The following SLIT3 variants were observed in gnomAD, a reference collection of about 807,000 sequenced individuals.
SLIT3 encodes the protein slit guidance ligand 3, also known as slit homolog 3 protein.
Under a neutral mutation model 184.0 loss-of-function variants are expected in SLIT3, and 68 were observed. The observed-to-expected ratio is 0.37, with a 90% CI of 0.30 to 0.45. SLIT3 has a LOEUF of 0.45. Among genes scored for constraint, SLIT3 ranks in the 20% least tolerant of loss-of-function variants. The pLI is 1.00. For missense variants in SLIT3, 1,707 were observed against 2,026.0 expected (o/e 0.84, Z 3.02); for synonymous variants, 831 against 828.6 (o/e 1.00, Z -0.05).
At chr5:168,921,685 C>T (rs565191165) in intron 4 of SLIT3, among the ~76,000 whole-genome samples, 26 of 152,290 alleles carry the variant, frequency 1.7e-4, no homozygotes, top group Middle Eastern at 3.4e-3. Flanking sequence ...TCTCCTGTCC[C>T]GGCTCCAAGC....
chr5:169,286,429 C>T (rs967626967), intron 1 of SLIT3, among the ~76,000 whole-genome samples: 1 of 152,120 alleles, frequency 6.6e-6, no homozygotes, highest in African/African-American at 2.4e-5. Flanking sequence ...CTCTCTCTTG[C>T]CTCTAGAAAG....
chr5:168,783,021 A>G (rs1174326863), intron 12 of SLIT3, among the ~76,000 whole-genome samples: 1 of 152,172 alleles, frequency 6.6e-6, no homozygotes, highest in Non-Finnish European at 1.5e-5. Context: ...TAACCTTCCA[A>G]CTAGGCAGTG....
At chr5:169,098,383 C>T (rs1043321990) in intron 4 of SLIT3, among the ~76,000 whole-genome samples, 7 of 152,248 alleles carry the variant, frequency 4.6e-5, no homozygotes, top group East Asian at 3.9e-4. Context: ...GATGTGAATC[C>T]GCTATTAGTA....
chr5:168,760,993 C>A, intron 15 of SLIT3, 57 bp from the exon 16 acceptor site: 2 of 1,290,918 alleles, frequency 1.5e-6, no homozygotes, highest in Non-Finnish European at 2.3e-6. Context: ...CCTCCTTCCA[C>A]CCCCCATGGC....
At chr5:168,856,806 T>TGTGCGCGCGCGC (rs374432432) in intron 5 of SLIT3, among the ~76,000 whole-genome samples, 164 of 137,810 alleles carry the variant, frequency 1.2e-3, no homozygotes, top group African/African-American at 4.3e-3. Context: ...TGTGTGTGTG[T>TGTGCGCGCGCGC]GCGCGCGCGC....
Position 168,753,924 on chromosome 5 carries a change from C to T in SLIT3, c.1769G>A (p.Gly590Glu), listed in dbSNP as rs1381473512. The change falls in exon 17 of 36, where the codon GGG becomes GAG. Residue 590 changes from glycine (G) to glutamate (E), a missense_variant. Physicochemically the swap from Gly to Glu is moderately conservative, Grantham distance 98. This residue lies in a region of SLIT3 where 1,307 missense variants were observed against 1,511.6 expected (regional missense o/e 0.86). Coordinates refer to ENST00000519560, the MANE Select transcript of SLIT3 (RefSeq NM_003062.4). Reference protein sequence around the residue: ...AASVQELMLTGNQLETVHGRV... With the variant: ...AASVQELMLTENQLETVHGRV... ...CCCGTGCACGGTCTCCAGCTGGTTC[C>T]CTGTCAGCATCAGCTCCTGCACGCT... is the stretch of plus-strand genomic sequence containing the variant. The T allele has an allele frequency of 1.2e-6, 2 of 1,612,300 alleles. No individual in the cohort carries two copies. Among genetic ancestry groups the T allele is most frequent in the Admixed American group, 3.3e-5 (2 of 60,032 alleles).
At chr5:169,234,320 T>C (rs763762247) in intron 3 of SLIT3, among the ~76,000 whole-genome samples, 3 of 152,206 alleles carry the variant, frequency 2.0e-5, no homozygotes, top group Non-Finnish European at 4.4e-5. Context: ...CGCAGTCACA[T>C]TTCCGCACCA....
rs118172622 is a variant in SLIT3 at position 169,290,032 on chromosome 5, C to T, written c.197+10481G>A. On this transcript the variant is annotated intron_variant, in intron 1 of 35. Transcript: ENST00000519560. Reference sequence around the variant, plus strand: ...GCACACACTAGGGAATATGCTAGAACGTACATTAGGGCATACGCCAGGGCA... The same window carrying T: ...GCACACACTAGGGAATATGCTAGAATGTACATTAGGGCATACGCCAGGGCA... 4.6e-3 allele frequency among the ~76,000 whole-genome samples: 700 copies of T among 151,588 alleles called. 13 individuals carry two copies. The East Asian group carries it at 0.088, about 19-fold the overall frequency.
At chr5:168,894,419 G>A (rs1184281089) in intron 4 of SLIT3, among the ~76,000 whole-genome samples, 1 of 152,234 alleles carries the variant, frequency 6.6e-6, no homozygotes. Context: ...ATGGATGACT[G>A]AGAATACATC....
At chr5:169,215,360 G>A (rs1023982444) in intron 3 of SLIT3, among the ~76,000 whole-genome samples, 4 of 152,106 alleles carry the variant, frequency 2.6e-5, no homozygotes, top group Admixed American at 6.5e-5. Context: ...AAGTCTGTCT[G>A]ATCCTCCTGT....
rs150356954 is a variant in SLIT3, at chr5:169,140,970, T to C, written c.413+52509A>G. On this transcript the variant is annotated intron_variant, in intron 4 of 35. Transcript: ENST00000519560. The stretch of plus-strand genomic sequence containing the variant: ...TCCAATCTCCATCTTGTCATCTTCA[T>C]GCCCTATGCAAACTAATCCTCTTGT... Among the ~76,000 whole-genome samples, 486 of 152,346 alleles carry C rather than the reference T, an allele frequency of 3.2e-3. 2 individuals carry two copies. Among genetic ancestry groups the C allele is most frequent in the African/African-American group, 0.011 (450 of 41,584 alleles).
At chr5:168,810,948 T>TC (rs1757138694) in intron 8 of SLIT3, among the ~76,000 whole-genome samples, 1 of 151,690 alleles carries the variant, frequency 6.6e-6, no homozygotes. Flanking sequence ...CTTGTATAAC[T>TC]CCCCCTGAAG....
intron 4 of SLIT3, among the ~76,000 whole-genome samples, chr5:168,963,808 T>C (rs1170725218): frequency 6.6e-6 from 1 of 152,246 alleles, no homozygotes; most frequent in African/African-American, 2.4e-5. Flanking sequence ...AGGCTCTCTT[T>C]TGTTGGCTTT....
rs1216101045 is a variant in SLIT3 at position 168,662,621 on chromosome 5, TAAC to T, written c.*3830_*3832del. The T allele has an allele frequency of 2.6e-5, 4 of 152,210 alleles. No homozygotes were observed. Among genetic ancestry groups the T allele is most frequent in the South Asian group, 2.1e-4 (1 of 4,828 alleles). 9.4% of individuals were successfully genotyped at this position (152,210 alleles called of 1,614,324 possible). The stretch of plus-strand genomic sequence containing the variant: ...ATAACAGCAACAACAACAGTAATAA[TAAC>T]AACAGCATCTTACATTTAAGGTTTT... On this transcript the variant is annotated 3_prime_UTR_variant, in exon 36 of 36. Transcript: ENST00000519560.
In SLIT3 at chr5:169,226,775, G is replaced by C. The variant is rs990406160; in HGVS notation, c.341+17930C>G. Reference sequence around the variant, plus strand: ...TCTATCTATAGAGGTGGTAACAATGGGTCTCAGGAGGCTCAAAGACTCAGG... The same window carrying C: ...TCTATCTATAGAGGTGGTAACAATGCGTCTCAGGAGGCTCAAAGACTCAGG... On this transcript the variant is annotated intron_variant, in intron 3 of 35. Transcript: ENST00000519560. 2.0e-5 allele frequency among the ~76,000 whole-genome samples: 3 copies of C among 152,214 alleles called. No individual in the cohort carries two copies. In the South Asian group the frequency reaches 6.2e-4, roughly 32 times the overall value.
At chr5:168,986,051 C>G (rs767034661) in intron 4 of SLIT3, among the ~76,000 whole-genome samples, 1 of 152,180 alleles carries the variant, frequency 6.6e-6, no homozygotes, top group Non-Finnish European at 1.5e-5. Flanking sequence ...TCCAGCCTCA[C>G]GAAGAAATGC....
rs371948046 is a variant in SLIT3, at chr5:168,997,374, C to T, written c.414-114038G>A. ...GAGAGACTGCAATTACTTTTCTGTACCCCCTGGAAAGAGGATTTGGGGTTC... is the reference window on the plus strand; with the variant it reads ...GAGAGACTGCAATTACTTTTCTGTATCCCCTGGAAAGAGGATTTGGGGTTC... On this transcript the variant is annotated intron_variant, in intron 4 of 35. Coordinates refer to ENST00000519560, the MANE Select transcript of SLIT3 (RefSeq NM_003062.4). Among the ~76,000 whole-genome samples the T allele has an allele frequency of 3.9e-5, 6 of 152,180 alleles. No individual in the cohort carries two copies. The East Asian group carries it at 5.8e-4, about 15-fold the overall frequency.
intron 29 of SLIT3, among the ~76,000 whole-genome samples, chr5:168,692,377 T>C (rs1029838489): frequency 2.0e-5 from 3 of 152,072 alleles, no homozygotes; most frequent in African/African-American, 7.2e-5. Flanking sequence ...TCTCTTTCTC[T>C]CTCCCTACCT....
intron 1 of SLIT3, among the ~76,000 whole-genome samples, chr5:169,295,170 G>A (rs1289428899): frequency 2.0e-5 from 3 of 152,234 alleles, no homozygotes; most frequent in Non-Finnish European, 2.9e-5. Context: ...GTCACTAGGC[G>A]ATAGGAATTC....
Sources: allele counts gnomAD v4.1 joint callset (sites outside exome capture counted in the v4.1 genomes callset), GRCh38; gene constraint gnomAD v4.1.1; regional missense constraint gnomAD v4.1.1; transcripts MANE v1.5; gene names NCBI Gene and HGNC (gene_info 2026-07-23, HGNC 2026-07-21).